CNGB3: variants seen among roughly 807,000 people sequenced by gnomAD.
CNGB3 encodes the protein cyclic nucleotide-gated channel beta-3.
CNGB3 carries 86 observed loss-of-function variants against 92.8 expected under a neutral mutation model. The ratio of observed to expected loss-of-function variants is 0.93; its 90% confidence interval spans 0.78 to 1.11. The LOEUF is 1.11. Ranked by LOEUF, CNGB3 falls within the 50% of genes least tolerant of loss-of-function variation. The pLI is 0.00. For synonymous variants in CNGB3, 333 were observed against 332.7 expected, an observed-to-expected ratio of 1.00 and a Z score of -0.01; for missense variants, 1,026 against 956.8, an observed-to-expected ratio of 1.07 and a Z score of -0.95.
At chr8:86,722,820 T>C (rs568809328) in intron 3 of CNGB3, among the ~76,000 whole-genome samples, 1 of 152,208 alleles carries the variant, frequency 6.6e-6, no homozygotes, top group African/African-American at 2.4e-5. Context: ...TTTGCTGGCT[T>C]TTTGGACTGG....
At chr8:86,711,301 C>T (rs990447829) in intron 3 of CNGB3, among the ~76,000 whole-genome samples, 5 of 152,038 alleles carry the variant, frequency 3.3e-5, no homozygotes, top group African/African-American at 7.2e-5. Context: ...TGCCTGCCTG[C>T]GTCATAGAAA....
At chr8:86,685,733 A>G (rs13268968) in intron 3 of CNGB3, among the ~76,000 whole-genome samples, 29,504 of 152,114 alleles carry the variant, frequency 0.19, 3,405 homozygotes, top group South Asian at 0.3. Flanking sequence ...AACAGAAGAG[A>G]GAAGTGAAAA....
chr8:86,715,066 G>A (rs1824825155), intron 3 of CNGB3, among the ~76,000 whole-genome samples: 1 of 152,062 alleles, frequency 6.6e-6, no homozygotes, highest in Admixed American at 6.6e-5. Context: ...CACTCCGTTT[G>A]CTGAAGACAA....
intron 4 of CNGB3, among the ~76,000 whole-genome samples, chr8:86,669,166 AAAG>A (rs1468629940): frequency 3.3e-5 from 5 of 151,006 alleles, no homozygotes; most frequent in African/African-American, 9.9e-5. Context: ...AAAAATGAAA[AAAG>A]AATATGTTAA....
At chr8:86,743,153 G>A (rs1440109941) in intron 1 of CNGB3, among the ~76,000 whole-genome samples, 1 of 152,168 alleles carries the variant, frequency 6.6e-6, no homozygotes, top group African/African-American at 2.4e-5. Flanking sequence ...TGTGGTTTAT[G>A]AAGACCAGGA....
rs962274415 is a variant in CNGB3 at position 86,574,724 on chromosome 8, C to T, written c.*1080G>A. The T allele has an allele frequency of 2.6e-5, 4 of 152,096 alleles. No individual in the cohort carries two copies. Among genetic ancestry groups the T allele is most frequent in the South Asian group, 2.1e-4 (1 of 4,830 alleles). 9.4% of individuals were successfully genotyped at this position (152,096 alleles called of 1,614,324 possible). ...GGAATTCTATATGTATTATTACTTC[C>T]GACACCAGCCTGGCCTTTGTAGCCT... On this transcript the variant is annotated 3_prime_UTR_variant, in exon 18 of 18. Transcript: ENST00000320005.
rs1196491386 is a variant in CNGB3, at chr8:86,578,825, G to A, written c.1967C>T (p.Thr656Ile). 3 of 1,614,030 alleles carry A rather than the reference G, an allele frequency of 1.9e-6. No individual in the cohort carries two copies. Among genetic ancestry groups the A allele is most frequent in the Admixed American group, 1.7e-5 (1 of 60,006 alleles). The change falls in exon 17 of 18, where the codon ACC (threonine) becomes ATC (isoleucine). Residue 656 changes from threonine (T) to isoleucine (I), a missense_variant. Thr to Ile is a moderately conservative substitution (Grantham distance 89). Transcript: ENST00000320005. ...LKQKAKTAEA[T>I]PPRKDLALLF... is the part of the protein sequence containing the mutation. ...GAGGGCAAGATCTTTTCTTGGAGGGGTTGCTTCTGCGGTCTTAGCCTTCTG... is the reference window on the plus strand; with the variant it reads ...GAGGGCAAGATCTTTTCTTGGAGGGATTGCTTCTGCGGTCTTAGCCTTCTG...
At chr8:86,740,879 G>A (rs1317620018) in intron 1 of CNGB3, among the ~76,000 whole-genome samples, 4 of 152,088 alleles carry the variant, frequency 2.6e-5, no homozygotes, top group Non-Finnish European at 4.4e-5. Context: ...TTTATAAACA[G>A]TGAAAAAGCC....
intron 3 of CNGB3, among the ~76,000 whole-genome samples, chr8:86,722,949 A>C (rs116060261): frequency 3.4e-4 from 52 of 152,266 alleles, no homozygotes; most frequent in African/African-American, 1.2e-3. Context: ...CAGCCTCCAT[A>C]ATCGCATGAG....
intron 17 of CNGB3, among the ~76,000 whole-genome samples, chr8:86,578,011 G>A (rs1420263599): frequency 1.3e-5 from 2 of 152,068 alleles, no homozygotes; most frequent in Admixed American, 6.5e-5. Flanking sequence ...CCGGATTCAA[G>A]CAATTCTCTT....
At chr8:86,672,946 G>T (rs1823889410) in intron 3 of CNGB3, among the ~76,000 whole-genome samples, 1 of 152,176 alleles carries the variant, frequency 6.6e-6, no homozygotes, top group Non-Finnish European at 1.5e-5. Flanking sequence ...ATCTTCAACA[G>T]TTCAGAAATA....
At chr8:86,618,463 T>C (rs1046449367) in intron 13 of CNGB3, among the ~76,000 whole-genome samples, 3 of 152,324 alleles carry the variant, frequency 2.0e-5, no homozygotes, top group Non-Finnish European at 4.4e-5. Context: ...AAGTGCTTCA[T>C]ATGTTTTGAG....
chr8:86,727,089 G>A (rs13249824), intron 2 of CNGB3, among the ~76,000 whole-genome samples: 28,678 of 152,082 alleles, frequency 0.19, 3,338 homozygotes, highest in South Asian at 0.3. Context: ...GTCAGTCTGT[G>A]TATGTAAACA....
At chr8:86,711,833 CTCTA>C (rs76885678) in intron 3 of CNGB3, among the ~76,000 whole-genome samples, 26,345 of 129,996 alleles carry the variant, frequency 0.2, 2,353 homozygotes, top group South Asian at 0.26. Flanking sequence ...CTCTCTCTCT[CTCTA>C]TATATATATA....
intron 10 of CNGB3, among the ~76,000 whole-genome samples, chr8:86,642,889 G>T (rs572746972): frequency 1.3e-5 from 2 of 151,388 alleles, no homozygotes; most frequent in South Asian, 4.2e-4. Flanking sequence ...TGAGTTAGTG[G>T]TTATAGCTGA....
At chr8:86,654,163 A>G (rs965487206) in intron 6 of CNGB3, 101 bp from the exon 7 acceptor site, 4 of 800,946 alleles carry the variant, frequency 5.0e-6, no homozygotes, top group Non-Finnish European at 8.6e-6. Context: ...GTTCCTTCCA[A>G]TCTCAGCCAA....
At chr8:86,638,645 G>C (rs914477374) in intron 10 of CNGB3, among the ~76,000 whole-genome samples, 19 of 152,092 alleles carry the variant, frequency 1.2e-4, no homozygotes, top group African/African-American at 4.6e-4. Context: ...CACACAATAG[G>C]AATTCACTAA....
At position 86,709,252 on chromosome 8, in the gene CNGB3, C is replaced by T. The variant is rs1048238155; in HGVS notation, c.338+17279G>A. Among the ~76,000 whole-genome samples, 5 of 152,082 alleles carry T rather than the reference C, an allele frequency of 3.3e-5. No homozygotes were observed. The South Asian group carries it at 6.2e-4, about 19-fold the overall frequency. On this transcript the variant is annotated intron_variant, in intron 3 of 17. Transcript: ENST00000320005. ...AGTAGAAGCTGATAAAATGGGTACC[C>T]ACACAGACACATGTTACATTTGCCG...
chr8:86,585,983 G>A (rs1314386293), intron 15 of CNGB3, among the ~76,000 whole-genome samples: 1 of 152,104 alleles, frequency 6.6e-6, no homozygotes, highest in Admixed American at 6.6e-5. Flanking sequence ...CAAATAATCT[G>A]TTTTAAACAT....
Sources: allele counts gnomAD v4.1 joint callset (sites outside exome capture counted in the v4.1 genomes callset), GRCh38; gene constraint gnomAD v4.1.1; transcripts MANE v1.5; gene names NCBI Gene and HGNC (gene_info 2026-07-23, HGNC 2026-07-21).